PRIM2: variants seen among roughly 807,000 people sequenced by gnomAD.
The protein encoded by PRIM2 is DNA primase large subunit.
PRIM2 carries 39 observed loss-of-function variants against 67.3 expected under a neutral mutation model. That is an observed-to-expected ratio of 0.58 (90% CI 0.45 to 0.76). PRIM2 has a LOEUF of 0.76. PRIM2 is among the 30% of genes least tolerant of loss of function. The probability of loss-of-function intolerance (pLI) is 0.00; values close to 1 mark genes in which losing one functional copy is unlikely to be tolerated. For synonymous variants in PRIM2, 143 were observed against 198.7 expected (o/e 0.72, Z 2.36); for missense variants, 398 against 598.7 (o/e 0.66, Z 3.50).
intron 5 of PRIM2, among the ~76,000 whole-genome samples, chr6:57,376,801 A>G (rs1173735796): frequency 3.3e-5 from 5 of 152,116 alleles, no homozygotes; most frequent in Admixed American, 3.3e-4. Flanking sequence ...GATAGTTTTA[A>G]TTCTGTTGTA....
intron 7 of PRIM2, among the ~76,000 whole-genome samples, chr6:57,411,016 G>A (rs1771071471): frequency 6.6e-6 from 1 of 151,984 alleles, no homozygotes; most frequent in African/African-American, 2.4e-5. Flanking sequence ...CTGGAGATGG[G>A]GCCTGGTGGG....
chr6:57,345,000 C>A (rs895750677), intron 5 of PRIM2, among the ~76,000 whole-genome samples: 1 of 151,050 alleles, frequency 6.6e-6, no homozygotes, highest in Non-Finnish European at 1.5e-5. Flanking sequence ...TTTCATATAG[C>A]TTTTGAATAT....
At chr6:57,350,476 C>A (rs553953399) in intron 5 of PRIM2, among the ~76,000 whole-genome samples, 1 of 151,958 alleles carries the variant, frequency 6.6e-6, no homozygotes, top group Non-Finnish European at 1.5e-5. Context: ...ATTAAAGGAC[C>A]GCTGAAATTT....
intron 12 of PRIM2, among the ~76,000 whole-genome samples, chr6:57,616,246 A>C (rs1480796803): frequency 2.6e-5 from 4 of 152,222 alleles, no homozygotes; most frequent in Non-Finnish European, 5.9e-5. Context: ...TTACACAAAT[A>C]AACTGTATCT....
chr6:57,600,375 T>C lies in PRIM2; in HGVS notation c.1021-718T>C, dbSNP rs1776442381. Among the ~76,000 whole-genome samples, 7 of 149,914 alleles carry C rather than the reference T, an allele frequency of 4.7e-5. No individual in the cohort carries two copies. The South Asian group carries it at 1.5e-3, about 32-fold the overall frequency. On this transcript the variant is annotated intron_variant, in intron 10 of 13. Coordinates refer to ENST00000615550, the MANE Select transcript of PRIM2 (RefSeq NM_000947.5). Reference sequence around the variant, plus strand: ...TTATTATTATTATTATTATTATATTTTGAGACTGGGTCTCACTATGTTGCC... The same window carrying C: ...TTATTATTATTATTATTATTATATTCTGAGACTGGGTCTCACTATGTTGCC...
chr6:57,642,719 G>A (rs1451883131), intron 13 of PRIM2, among the ~76,000 whole-genome samples: 1 of 152,118 alleles, frequency 6.6e-6, no homozygotes, highest in Non-Finnish European at 1.5e-5. Flanking sequence ...GGGATTACAG[G>A]CGTGAGCCAC....
At chr6:57,340,400 T>C (rs1768431269) in intron 5 of PRIM2, among the ~76,000 whole-genome samples, 1 of 152,184 alleles carries the variant, frequency 6.6e-6, no homozygotes, top group Admixed American at 6.5e-5. Flanking sequence ...TAAAGACACA[T>C]GCACACATAT....
At chr6:57,592,339 T>G (rs1776294663) in intron 10 of PRIM2, among the ~76,000 whole-genome samples, 1 of 152,224 alleles carries the variant, frequency 6.6e-6, no homozygotes, top group African/African-American at 2.4e-5. Context: ...TGCCATATCC[T>G]TATGCTGATT....
chr6:57,535,980 G>T (rs1443431685), intron 9 of PRIM2, among the ~76,000 whole-genome samples: 1 of 152,102 alleles, frequency 6.6e-6, no homozygotes, highest in Non-Finnish European at 1.5e-5. Flanking sequence ...ACAATGTTTA[G>T]AAAAAAATCA....
chr6:57,636,765 G>A (rs1777129167), intron 13 of PRIM2, among the ~76,000 whole-genome samples: 1 of 152,208 alleles, frequency 6.6e-6, no homozygotes, highest in Non-Finnish European at 1.5e-5. Context: ...CCAGTCAGGG[G>A]CTTATAGATA....
chr6:57,224,566 A>G, the PRIM2 span, among the ~76,000 whole-genome samples: 2 of 152,122 alleles, frequency 1.3e-5, no homozygotes, highest in African/African-American at 4.8e-5. Flanking sequence ...CTTGAACTTT[A>G]TACTTAAAAA....
intron 7 of PRIM2, among the ~76,000 whole-genome samples, chr6:57,427,444 T>C (rs1212181414): frequency 2.0e-5 from 3 of 152,078 alleles, no homozygotes; most frequent in Non-Finnish European, 4.4e-5. Flanking sequence ...TCAGCCTCCC[T>C]AGTAGCTGGG....
intron 13 of PRIM2, among the ~76,000 whole-genome samples, chr6:57,638,732 C>T (rs1777171657): frequency 6.6e-6 from 1 of 151,896 alleles, no homozygotes; most frequent in Non-Finnish European, 1.5e-5. Context: ...ATATATACAC[C>T]CAATACAGGA....
chr6:57,360,484 A>T (rs1223817191), intron 5 of PRIM2, among the ~76,000 whole-genome samples: 1 of 152,180 alleles, frequency 6.6e-6, no homozygotes, highest in Non-Finnish European at 1.5e-5. Flanking sequence ...AAATAGATAA[A>T]ATAAAAAAAT....
At chr6:57,332,008 T>G (rs1768072465) in intron 5 of PRIM2, among the ~76,000 whole-genome samples, 1 of 151,926 alleles carries the variant, frequency 6.6e-6, no homozygotes, top group Non-Finnish European at 1.5e-5. Context: ...ATCTGAGATA[T>G]TTTTTCTTTT....
the PRIM2 span, among the ~76,000 whole-genome samples, chr6:57,306,616 T>C: frequency 1.1e-4 from 17 of 152,284 alleles, no homozygotes; most frequent in East Asian, 3.1e-3. Flanking sequence ...GTATATTTGC[T>C]GTGGAGGAAA....
rs1401218837 is a variant in PRIM2 at position 57,548,979 on chromosome 6, A to G, written c.1020+11354A>G. 1.4e-3 allele frequency among the ~76,000 whole-genome samples: 212 copies of G among 152,310 alleles called. 5 individuals carry two copies. The East Asian group carries it at 0.019, about 14-fold the overall frequency. ...AATGGTTACAGTTTGAGTTCCTAGC[A>G]TATGCTAGGCTCTATAACTAATATT... On this transcript the variant is annotated intron_variant, in intron 10 of 13. Coordinates refer to ENST00000615550, the MANE Select transcript of PRIM2 (RefSeq NM_000947.5).
chr6:57,282,137 T>C, the PRIM2 span, among the ~76,000 whole-genome samples: 21,730 of 152,206 alleles, frequency 0.14, 1,622 homozygotes, highest in Non-Finnish European at 0.17. Context: ...TTAGCACTTA[T>C]CTGTCCTCTT....
At chr6:57,331,705 A>G (rs1562697539) in intron 5 of PRIM2, among the ~76,000 whole-genome samples, 1 of 151,922 alleles carries the variant, frequency 6.6e-6, no homozygotes, top group Non-Finnish European at 1.5e-5. Context: ...GTTTTCTCTT[A>G]TCCTTTTGAT....
Sources: allele counts gnomAD v4.1 joint callset (sites outside exome capture counted in the v4.1 genomes callset), GRCh38; gene constraint gnomAD v4.1.1; transcripts MANE v1.5; gene names NCBI Gene and HGNC (gene_info 2026-07-23, HGNC 2026-07-21).